KCNIP1: variants seen among roughly 807,000 people sequenced by gnomAD.
KCNIP1 encodes potassium voltage-gated channel interacting protein 1, also known as A-type potassium channel modulatory protein KCNIP1.
KCNIP1 carries 18 observed loss-of-function variants against 33.0 expected under a neutral mutation model. The observed-to-expected ratio is 0.55, with a 90% CI of 0.38 to 0.81. KCNIP1 has a LOEUF of 0.81. KCNIP1 is among the 30% of genes least tolerant of loss of function. The pLI, the probability that KCNIP1 is intolerant of heterozygous loss-of-function variation, is 0.00. For missense variants in KCNIP1, 238 were observed against 271.6 expected (o/e 0.88, Z 0.87); for synonymous variants, 93 against 98.3 (o/e 0.95, Z 0.32).
chr5:170,551,414 G>A (rs2113416183), intron 1 of KCNIP1, among the ~76,000 whole-genome samples: 1 of 152,340 alleles, frequency 6.6e-6, no homozygotes. Flanking sequence ...ATGGGCAACT[G>A]TTGCAAACGT....
intron 1 of KCNIP1, among the ~76,000 whole-genome samples, chr5:170,716,667 T>A (rs141978743): frequency 4.9e-4 from 74 of 152,354 alleles, no homozygotes; most frequent in African/African-American, 1.7e-3. Flanking sequence ...CAGTTCCTCC[T>A]TAATGAAGTG....
chr5:170,680,781 C>T (rs1007130666), intron 1 of KCNIP1: 54 of 270,824 alleles, frequency 2.0e-4, no homozygotes, highest in Non-Finnish European at 2.8e-4. Flanking sequence ...TGGTTACACT[C>T]AGCTAGCAGA....
At chr5:170,471,090 C>T (rs1236290536) in intron 1 of KCNIP1, among the ~76,000 whole-genome samples, 1 of 152,166 alleles carries the variant, frequency 6.6e-6, no homozygotes, top group Non-Finnish European at 1.5e-5. Flanking sequence ...TGTCAAGTTG[C>T]GCATTTACTT....
chr5:170,510,525 G>A (rs979014789), intron 1 of KCNIP1, among the ~76,000 whole-genome samples: 2 of 152,138 alleles, frequency 1.3e-5, no homozygotes, highest in Non-Finnish European at 2.9e-5. Flanking sequence ...CATCAGGCAG[G>A]GAAGGAACAG....
chr5:170,430,929 C>T (rs991938736), intron 1 of KCNIP1, among the ~76,000 whole-genome samples: 8 of 152,236 alleles, frequency 5.3e-5, no homozygotes, highest in South Asian at 2.1e-4. Flanking sequence ...TCACTGTCCA[C>T]GACTTCCTGT....
chr5:170,443,314 G>A (rs184719426), intron 1 of KCNIP1, among the ~76,000 whole-genome samples: 109 of 146,978 alleles, frequency 7.4e-4, no homozygotes, highest in Non-Finnish European at 1.3e-3. Flanking sequence ...TTACACGTTC[G>A]GTGAACACCC....
At chr5:170,493,585 A>T (rs1233576580) in intron 1 of KCNIP1, among the ~76,000 whole-genome samples, 1 of 152,144 alleles carries the variant, frequency 6.6e-6, no homozygotes, top group Non-Finnish European at 1.5e-5. Flanking sequence ...GGGGTTAGTG[A>T]AGCATTGTTG....
intron 1 of KCNIP1, among the ~76,000 whole-genome samples, chr5:170,477,920 TG>T (rs1172442193): frequency 6.6e-6 from 1 of 152,202 alleles, no homozygotes; most frequent in Non-Finnish European, 1.5e-5. Flanking sequence ...AATTAATATT[TG>T]CAGTAGAGTA....
chr5:170,506,855 C>T (rs1273491278), intron 1 of KCNIP1, among the ~76,000 whole-genome samples: 1 of 152,156 alleles, frequency 6.6e-6, no homozygotes, highest in Non-Finnish European at 1.5e-5. Context: ...ATATGTTCCC[C>T]CAGGTATTTG....
At chr5:170,565,903 G>C (rs1757189181) in intron 1 of KCNIP1, among the ~76,000 whole-genome samples, 1 of 152,158 alleles carries the variant, frequency 6.6e-6, no homozygotes. Flanking sequence ...AATATGTAGG[G>C]AAATGACAAA....
chr5:170,442,810 A>G (rs1308814366), intron 1 of KCNIP1, among the ~76,000 whole-genome samples: 1 of 152,190 alleles, frequency 6.6e-6, no homozygotes, highest in Non-Finnish European at 1.5e-5. Context: ...ACAGGAATGG[A>G]GGCAGGAACT....
At chr5:170,464,815 T>C (rs1756576629) in intron 1 of KCNIP1, among the ~76,000 whole-genome samples, 1 of 152,196 alleles carries the variant, frequency 6.6e-6, no homozygotes, top group African/African-American at 2.4e-5. Context: ...CCCCAAAGCC[T>C]GGCTTAGGGA....
intron 1 of KCNIP1, among the ~76,000 whole-genome samples, chr5:170,386,601 C>T (rs536385906): frequency 1.3e-5 from 2 of 151,912 alleles, no homozygotes; most frequent in African/African-American, 4.8e-5. Flanking sequence ...CTAGCTGGGC[C>T]GGGCACAGGC....
chr5:170,449,156 C>G (rs1460305722), intron 1 of KCNIP1, among the ~76,000 whole-genome samples: 1 of 152,190 alleles, frequency 6.6e-6, no homozygotes, highest in African/African-American at 2.4e-5. Context: ...TGAGTTGGTT[C>G]ATTCATTCAT....
chr5:170,651,870 T>A (rs1467199306), intron 1 of KCNIP1, among the ~76,000 whole-genome samples: 1 of 152,208 alleles, frequency 6.6e-6, no homozygotes, highest in Non-Finnish European at 1.5e-5. Flanking sequence ...AAGATATATA[T>A]CGTATTGCAA....
chr5:170,627,368 G>A (rs1205348275), intron 1 of KCNIP1, among the ~76,000 whole-genome samples: 1 of 152,222 alleles, frequency 6.6e-6, no homozygotes, highest in African/African-American at 2.4e-5. Flanking sequence ...CAAGCCCCAA[G>A]GGCTTCCCTC....
At chr5:170,618,856 C>T (rs1035385486) in intron 1 of KCNIP1, among the ~76,000 whole-genome samples, 1 of 152,160 alleles carries the variant, frequency 6.6e-6, no homozygotes, top group Non-Finnish European at 1.5e-5. Context: ...TTCTTTCCTT[C>T]TCTTCTTTCC....
chr5:170,527,095 C>T (rs1194720600), intron 1 of KCNIP1, among the ~76,000 whole-genome samples: 1 of 152,124 alleles, frequency 6.6e-6, no homozygotes, highest in Non-Finnish European at 1.5e-5. Flanking sequence ...TCCCTTGTCC[C>T]TCCCTCATCA....
At chr5:170,480,848 T>A (rs1198709857) in intron 1 of KCNIP1, among the ~76,000 whole-genome samples, 1 of 152,212 alleles carries the variant, frequency 6.6e-6, no homozygotes, top group South Asian at 2.1e-4. Context: ...CAAGCATGAC[T>A]ACTAATTTCT....
Sources: allele counts gnomAD v4.1 joint callset (sites outside exome capture counted in the v4.1 genomes callset), GRCh38; gene constraint gnomAD v4.1.1; transcripts MANE v1.5; gene names NCBI Gene and HGNC (gene_info 2026-07-23, HGNC 2026-07-21).